Variants in JAK2 observed in about 807,000 individuals in gnomAD.
The protein encoded by JAK2 is Janus kinase 2, also known as tyrosine-protein kinase JAK2.
Under a neutral mutation model 139.3 loss-of-function variants are expected in JAK2, and 86 were observed. That is an observed-to-expected ratio of 0.62 (90% CI 0.52 to 0.74). JAK2 has a LOEUF of 0.74. JAK2 is among the 30% of genes least tolerant of loss of function. The pLI is 0.00. For synonymous variants in JAK2, 490 were observed against 437.7 expected (o/e 1.12, Z -1.49); for missense variants, 1,421 against 1,360.3 (o/e 1.04, Z -0.70).
At chr9:5,062,525 A>AG (rs1818262360) in intron 8 of JAK2, among the ~76,000 whole-genome samples, 2 of 141,032 alleles carry the variant, frequency 1.4e-5, no homozygotes, top group Admixed American at 1.4e-4. Flanking sequence ...AAAAAAAAAA[A>AG]AAAAAAGGTC....
chr9:4,985,767 A>G (rs1819914662), intron 1 of JAK2, 137 bp downstream of exon 1: 1 of 152,326 alleles, frequency 6.6e-6, no homozygotes, highest in East Asian at 1.9e-4. Flanking sequence ...CTTTAAGACG[A>G]CACCTAGAAC....
Position 5,085,048 on chromosome 9 carries a change from C to T in JAK2, c.2571+3187C>T, listed in dbSNP as rs1235481848. Reference sequence around the variant, plus strand: ...GAAAGTTGAATGAGGGCGTCTCTTTCTGGGGATGAGAAGTTTACTGCTCTC... The same window carrying T: ...GAAAGTTGAATGAGGGCGTCTCTTTTTGGGGATGAGAAGTTTACTGCTCTC... On this transcript the variant is annotated intron_variant, in intron 19 of 24. Transcript: ENST00000381652. The T allele has an allele frequency of 5.2e-6, 4 of 766,102 alleles. No individual in the cohort carries two copies. In the South Asian group the frequency reaches 5.3e-5, roughly 10 times the overall value. 47.5% of individuals were successfully genotyped at this position (766,102 alleles called of 1,614,324 possible).
At chr9:5,037,183 C>A (rs554627227) in intron 4 of JAK2, among the ~76,000 whole-genome samples, 14 of 152,134 alleles carry the variant, frequency 9.2e-5, no homozygotes, top group African/African-American at 2.9e-4. Flanking sequence ...GTTAGAATGG[C>A]GATCATTAAA....
Position 5,090,802 on chromosome 9 carries a change from G to A in JAK2, c.2950G>A (p.Val984Met). ...HRDLATRNIL[V>M]ENENRVKIGD... ...GGATCTGGCAACGAGAAATATATTG[G>A]TGGAGAACGAGAACAGAGTTAAAAT... is the stretch of plus-strand genomic sequence containing the variant. The change falls in exon 22 of 25, where the codon GTG (valine) becomes ATG (methionine). Residue 984 changes from valine (V) to methionine (M), a missense_variant. Coordinates refer to ENST00000381652, the MANE Select transcript of JAK2 (RefSeq NM_004972.4). 6.2e-7 allele frequency: 1 copy of A among 1,613,562 alleles called. No homozygotes were observed. The highest frequency in any genetic ancestry group is 8.5e-7 in the Non-Finnish European group (1 of 1,179,668).
At chr9:5,125,332 C>A (rs934415997) in intron 23 of JAK2, among the ~76,000 whole-genome samples, 1 of 151,092 alleles carries the variant, frequency 6.6e-6, no homozygotes, top group African/African-American at 2.4e-5. Flanking sequence ...AGTATTACAG[C>A]ATGGGTAATT....
chr9:5,072,618 T>A lies in JAK2; in HGVS notation c.1768T>A (p.Tyr590Asn), dbSNP rs1025841014. Residue 590 changes from tyrosine (Y) to asparagine (N), a missense_variant, in exon 13 of 25, where the codon TAT becomes AAT. Coordinates refer to ENST00000381652, the MANE Select transcript of JAK2 (RefSeq NM_004972.4). ...LKVLDKAHRN[Y>N]SESFFEAASM... is the part of the protein sequence containing the mutation. ...AGTTCTGGATAAAGCACACAGAAACTATTCAGAGGTGTGTATGTTCTTTAT... is the reference window on the plus strand; with the variant it reads ...AGTTCTGGATAAAGCACACAGAAACAATTCAGAGGTGTGTATGTTCTTTAT... The A allele has an allele frequency of 6.3e-7, 1 of 1,599,810 alleles. No homozygotes were observed. The highest frequency in any genetic ancestry group is 8.5e-7 in the Non-Finnish European group (1 of 1,172,318).
chr9:5,066,643 A>G (rs376312059), intron 9 of JAK2, 35 bp from the exon 10 acceptor site: 2 of 1,110,972 alleles, frequency 1.8e-6, no homozygotes, highest in Non-Finnish European at 2.8e-6. Context: ...ATGGTGCTTG[A>G]TATATTATTC....
chr9:5,060,882 T>C (rs928047126), intron 8 of JAK2, among the ~76,000 whole-genome samples: 1 of 152,224 alleles, frequency 6.6e-6, no homozygotes, highest in African/African-American at 2.4e-5. Flanking sequence ...TCTTAGATAA[T>C]AAGACTTGAA....
In JAK2 at chr9:5,069,143, T is replaced by C. The variant is rs1191966886; in HGVS notation, c.1448T>C (p.Met483Thr). 6.2e-7 allele frequency: 1 copy of C among 1,613,330 alleles called. No individual in the cohort carries two copies. Among genetic ancestry groups the C allele is most frequent in the African/African-American group, 1.3e-5 (1 of 74,866 alleles). Reference protein sequence around the residue: ...SLKDLLNCYQMETVRSDNIIF... With the variant: ...SLKDLLNCYQTETVRSDNIIF... ...AAAGATCTTTTGAATTGTTACCAGA[T>C]GGAAACTGTTCGCTCAGACAATATA... Residue 483 changes from methionine to threonine, a missense_variant, in exon 11 of 25, where the codon ATG becomes ACG. By Grantham distance (81) the Met-to-Thr change is moderately conservative. Transcript: ENST00000381652.
intron 12 of JAK2, among the ~76,000 whole-genome samples, chr9:5,071,060 G>A (rs770720529): frequency 8.5e-5 from 13 of 152,178 alleles, no homozygotes; most frequent in Non-Finnish European, 1.6e-4. Context: ...GTGAGGAAAA[G>A]GAGTCTCTCC....
At chr9:5,117,072 A>G (rs1823250171) in intron 22 of JAK2, among the ~76,000 whole-genome samples, 2 of 152,196 alleles carry the variant, frequency 1.3e-5, no homozygotes, top group Non-Finnish European at 2.9e-5. Context: ...CATCCATGTG[A>G]GGACACGGCA....
chr9:5,116,837 A>G (rs1823228252), intron 22 of JAK2, among the ~76,000 whole-genome samples: 1 of 152,254 alleles, frequency 6.6e-6, no homozygotes, highest in African/African-American at 2.4e-5. Context: ...AGGAAAAGTC[A>G]TATGTATAAT....
At chr9:5,043,645 ACT>A (rs1324289604) in intron 4 of JAK2, among the ~76,000 whole-genome samples, 2 of 152,206 alleles carry the variant, frequency 1.3e-5, no homozygotes, top group African/African-American at 2.4e-5. Context: ...CTTGTACATG[ACT>A]CTTCATACTA....
At chr9:5,004,725 A>G (rs1416212079) in intron 2 of JAK2, among the ~76,000 whole-genome samples, 1 of 152,112 alleles carries the variant, frequency 6.6e-6, no homozygotes, top group Admixed American at 6.6e-5. Flanking sequence ...AGTGACTGTA[A>G]AAATTTACAT....
chr9:5,085,826 G>A (rs956389042), intron 19 of JAK2: 2 of 760,516 alleles, frequency 2.6e-6, no homozygotes, highest in East Asian at 2.5e-5. Context: ...TTGATCGAAA[G>A]GCTTTTCCTT....
intron 3 of JAK2, among the ~76,000 whole-genome samples, chr9:5,025,478 C>T (rs1486271533): frequency 1.3e-5 from 2 of 150,910 alleles, no homozygotes; most frequent in Non-Finnish European, 3.0e-5. Context: ...CTTCTTCTGT[C>T]TCTTTCTTGC....
chr9:5,031,877 G>C (rs959818496), intron 4 of JAK2, among the ~76,000 whole-genome samples: 2 of 152,214 alleles, frequency 1.3e-5, no homozygotes, highest in Admixed American at 1.3e-4. Context: ...GAGGTGTACC[G>C]GGTTCGTCTC....
At chr9:5,123,707 G>C (rs62543904) in intron 23 of JAK2, among the ~76,000 whole-genome samples, 5,708 of 151,872 alleles carry the variant, frequency 0.038, 161 homozygotes, top group Non-Finnish European at 0.058. Context: ...TCTATATTTA[G>C]GTCTCTGAGA....
intron 2 of JAK2, among the ~76,000 whole-genome samples, chr9:5,020,155 G>C (rs1822317915): frequency 6.6e-6 from 1 of 152,168 alleles, no homozygotes; most frequent in South Asian, 2.1e-4. Context: ...CCAGTTGTCT[G>C]TGCTTATGTC....
Sources: gnomAD v4.1 joint callset for allele counts (sites outside exome capture counted in the v4.1 genomes callset) on GRCh38, gnomAD v4.1.1 for gene constraint, MANE v1.5 for transcripts, NCBI Gene and HGNC (gene_info 2026-07-23, HGNC 2026-07-21) for gene names.